The following DKK2 variants were observed in gnomAD, a reference collection of about 807,000 sequenced individuals.
DKK2 encodes dickkopf-related protein 2.
In DKK2, 11 loss-of-function variants were observed where a neutral mutation model predicts 28.1. The observed-to-expected ratio is 0.39, with a 90% CI of 0.25 to 0.65. The LOEUF is 0.65. DKK2 is among the 30% of genes least tolerant of loss of function. The probability of loss-of-function intolerance (pLI) is 0.47; values close to 1 mark genes in which losing one functional copy is unlikely to be tolerated. For missense variants in DKK2, 326 were observed against 335.5 expected, an observed-to-expected ratio of 0.97 and a Z score of 0.22; for synonymous variants, 135 against 126.5, an observed-to-expected ratio of 1.07 and a Z score of -0.45.
At chr4:106,944,266 G>A (rs187036180) in intron 1 of DKK2, among the ~76,000 whole-genome samples, 1 of 152,076 alleles carries the variant, frequency 6.6e-6, no homozygotes, top group Non-Finnish European at 1.5e-5. Context: ...TGTCTAACTT[G>A]TTTATGATCC....
intron 1 of DKK2, among the ~76,000 whole-genome samples, chr4:106,982,734 G>A (rs564099993): frequency 4.6e-5 from 7 of 152,066 alleles, no homozygotes; most frequent in African/African-American, 1.2e-4. Flanking sequence ...AGAGGAGAGA[G>A]AGAGAGAAAT....
rs1279326996 is a variant in DKK2, at chr4:107,036,067, A to G, written c.-476T>C. The G allele has an allele frequency of 5.9e-6, 1 of 169,324 alleles. No homozygotes were observed. Among genetic ancestry groups the G allele is most frequent in the African/African-American group, 2.4e-5 (1 of 41,694 alleles). The allele number at this position is 169,324 out of a possible 1,614,324, so 10.5% of individuals were successfully genotyped here. ...TCTCTTTTCCTATCCTTTATGTGTC[A>G]AACTTTGCAGGACACAGTGCTCCTT... On this transcript the variant is annotated 5_prime_UTR_variant, in exon 1 of 4. Coordinates refer to ENST00000285311, the MANE Select transcript of DKK2 (RefSeq NM_014421.3).
intron 1 of DKK2, among the ~76,000 whole-genome samples, chr4:107,006,015 A>T (rs1401937552): frequency 6.6e-6 from 1 of 152,212 alleles, no homozygotes; most frequent in Non-Finnish European, 1.5e-5. Context: ...AAAGGCAAAG[A>T]GACTTAAAGT....
intron 1 of DKK2, among the ~76,000 whole-genome samples, chr4:106,938,345 GC>G (rs561408361): frequency 5.7e-4 from 86 of 152,130 alleles, no homozygotes; most frequent in African/African-American, 2.0e-3. Flanking sequence ...AAACACCTCT[GC>G]GCAAATAAAC....
At chr4:106,924,256 AT>A in intron 3 of DKK2, 52 bp from the exon 4 acceptor site, 2 of 1,583,064 alleles carry the variant, frequency 1.3e-6, no homozygotes, top group Non-Finnish European at 1.7e-6. Context: ...GAAAAAAAAA[AT>A]TCTATTTTGC....
chr4:106,935,896 G>A (rs1724578983), intron 1 of DKK2, among the ~76,000 whole-genome samples: 1 of 152,198 alleles, frequency 6.6e-6, no homozygotes, highest in Admixed American at 6.5e-5. Context: ...CAGACCTGCA[G>A]CTGAGGGTCC....
rs536151780 is a variant in DKK2, at chr4:106,932,494, G to A, written c.223-6545C>T. Among the ~76,000 whole-genome samples, 14 of 152,248 alleles carry A rather than the reference G, an allele frequency of 9.2e-5. No individual in the cohort carries two copies. The South Asian group carries it at 2.9e-3, about 32-fold the overall frequency. On this transcript the variant is annotated intron_variant, in intron 1 of 3. Coordinates refer to ENST00000285311, the MANE Select transcript of DKK2 (RefSeq NM_014421.3). ...ACAATACTGATATTGATCATGGGAT[G>A]AATGGAGAGAGCTAAACTTTTCCAT...
intron 1 of DKK2, among the ~76,000 whole-genome samples, chr4:106,981,485 A>G (rs1001960359): frequency 6.6e-6 from 1 of 152,174 alleles, no homozygotes; most frequent in African/African-American, 2.4e-5. Flanking sequence ...GCTTTCCACC[A>G]GCATTCAAAA....
At chr4:106,924,278 A>C in intron 3 of DKK2, 74 bp from the exon 4 acceptor site, 1 of 1,546,304 alleles carries the variant, frequency 6.5e-7, no homozygotes, top group Non-Finnish European at 8.7e-7. Context: ...AATCAGAAGC[A>C]CATAAAATAT....
chr4:106,928,938 G>T (rs745523893), intron 1 of DKK2, among the ~76,000 whole-genome samples: 3 of 152,144 alleles, frequency 2.0e-5, no homozygotes, highest in Non-Finnish European at 4.4e-5. Flanking sequence ...GAGGGATAGA[G>T]GGTTAACAGT....
Position 106,967,398 on chromosome 4 carries a change from A to G in DKK2, c.223-41449T>C, listed in dbSNP as rs908796715. On this transcript the variant is annotated intron_variant, in intron 1 of 3. Transcript: ENST00000285311. ...CTAGGAGTTACCTAGTTGCAATGAG[A>G]GCCAAGCTGAGGAAAAGTACCAGAA... Among the ~76,000 whole-genome samples, 3 of 152,094 alleles carry G rather than the reference A, an allele frequency of 2.0e-5. No homozygotes were observed. The East Asian group carries it at 5.8e-4, about 29-fold the overall frequency.
At chr4:107,006,956 C>T (rs755722330) in intron 1 of DKK2, among the ~76,000 whole-genome samples, 60 of 150,888 alleles carry the variant, frequency 4.0e-4, no homozygotes, top group Non-Finnish European at 7.7e-4. Context: ...ACAAACATGT[C>T]GAACATCGAT....
At chr4:106,965,421 G>C (rs1722761922) in intron 1 of DKK2, among the ~76,000 whole-genome samples, 1 of 151,904 alleles carries the variant, frequency 6.6e-6, no homozygotes. Flanking sequence ...AGTTATACAG[G>C]TTTTCTCACT....
chr4:106,998,978 A>C (rs780399708), intron 1 of DKK2, among the ~76,000 whole-genome samples: 1 of 152,240 alleles, frequency 6.6e-6, no homozygotes, highest in Non-Finnish European at 1.5e-5. Context: ...TGGGTTCACC[A>C]ACATGGACAT....
chr4:106,978,348 C>T (rs984797676), intron 1 of DKK2, among the ~76,000 whole-genome samples: 9 of 152,202 alleles, frequency 5.9e-5, no homozygotes, highest in African/African-American at 2.2e-4. Flanking sequence ...ACAGCCACCC[C>T]TTCCCCCAGG....
chr4:107,010,990 A>C (rs1723509197), intron 1 of DKK2, among the ~76,000 whole-genome samples: 1 of 151,476 alleles, frequency 6.6e-6, no homozygotes, highest in Non-Finnish European at 1.5e-5. Context: ...CACTTAATAG[A>C]AGGCAGCTGG....
At chr4:106,981,574 T>C (rs2096543579) in intron 1 of DKK2, among the ~76,000 whole-genome samples, 2 of 152,160 alleles carry the variant, frequency 1.3e-5, no homozygotes, top group Admixed American at 1.3e-4. Context: ...CCTTTTGTCA[T>C]TCTCTGAACC....
intron 1 of DKK2, among the ~76,000 whole-genome samples, chr4:106,956,935 C>T (rs1476941402): frequency 4.6e-5 from 7 of 151,196 alleles, no homozygotes; most frequent in Non-Finnish European, 8.9e-5. Flanking sequence ...TTCTGCACAG[C>T]AAAAGAAACT....
At chr4:107,021,793 G>A (rs1723696291) in intron 1 of DKK2, among the ~76,000 whole-genome samples, 1 of 151,862 alleles carries the variant, frequency 6.6e-6, no homozygotes, top group Admixed American at 6.6e-5. Flanking sequence ...CAATATTTGG[G>A]GGGAAAAACA....
Sources: gnomAD v4.1 joint callset for allele counts (sites outside exome capture counted in the v4.1 genomes callset) on GRCh38, gnomAD v4.1.1 for gene constraint, MANE v1.5 for transcripts, NCBI Gene and HGNC (gene_info 2026-07-23, HGNC 2026-07-21) for gene names.